Variants in THRB observed in about 807,000 individuals in gnomAD.
THRB encodes the protein thyroid hormone receptor beta, also known as nuclear receptor subfamily 1 group A member 2.
In THRB, 12 loss-of-function variants were observed where a neutral mutation model predicts 47.8. The ratio of observed to expected loss-of-function variants is 0.25; its 90% CI spans 0.16 to 0.41. The LOEUF (loss-of-function observed/expected upper bound fraction) is 0.41. THRB is among the 10% of genes least tolerant of loss of function. The pLI is 1.00. For synonymous variants in THRB, 218 were observed against 212.2 expected, an observed-to-expected ratio of 1.03 and a Z score of -0.24; for missense variants, 348 against 589.2, an observed-to-expected ratio of 0.59 and a Z score of 4.24.
At chr3:24,432,815 C>A (rs1376476460) in intron 1 of THRB, among the ~76,000 whole-genome samples, 1 of 151,804 alleles carries the variant, frequency 6.6e-6, no homozygotes, top group African/African-American at 2.4e-5. Context: ...AATATCAGCT[C>A]ACAACAGCTA....
chr3:24,202,298 C>T (rs1445910284), intron 4 of THRB, among the ~76,000 whole-genome samples: 4 of 152,126 alleles, frequency 2.6e-5, no homozygotes, highest in Non-Finnish European at 5.9e-5. Flanking sequence ...TTTTGGTATA[C>T]AACAAAAATT....
chr3:24,301,193 G>C (rs573432564), intron 2 of THRB, among the ~76,000 whole-genome samples: 5 of 152,168 alleles, frequency 3.3e-5, no homozygotes, highest in Non-Finnish European at 5.9e-5. Flanking sequence ...TCAACACCTT[G>C]ATTTCAAACT....
rs569203471 is a variant in THRB at position 24,402,087 on chromosome 3, T to A, written c.-260-64716A>T. Among the ~76,000 whole-genome samples the A allele has an allele frequency of 1.9e-4, 29 of 151,940 alleles. No homozygotes were observed. In the South Asian group the frequency reaches 6.0e-3, roughly 32 times the overall value. On this transcript the variant is annotated intron_variant, in intron 1 of 10. Coordinates refer to ENST00000646209, the MANE Select transcript of THRB (RefSeq NM_001354712.2). ...AGAAGAAAGTAAAGTCTGGGACAGG[T>A]TTTTAGAAAACAGAGCTCTGCCCCC...
At chr3:24,359,597 A>T (rs1326297798) in intron 1 of THRB, among the ~76,000 whole-genome samples, 1 of 152,146 alleles carries the variant, frequency 6.6e-6, no homozygotes, top group Non-Finnish European at 1.5e-5. Flanking sequence ...ATAGTAGAAA[A>T]CTAGACAATT....
intron 4 of THRB, among the ~76,000 whole-genome samples, chr3:24,196,824 C>T (rs531300744): frequency 6.6e-6 from 1 of 152,332 alleles, no homozygotes; most frequent in South Asian, 2.1e-4. Flanking sequence ...GCCTGACCAT[C>T]ATTTTATCTG....
intron 1 of THRB, among the ~76,000 whole-genome samples, chr3:24,441,453 T>A (rs372334928): frequency 2.6e-5 from 4 of 152,310 alleles, no homozygotes; most frequent in African/African-American, 9.6e-5. Flanking sequence ...TGCCCTGCTA[T>A]GTAGTTTGAA....
chr3:24,306,952 T>A (rs2057383449), intron 2 of THRB, among the ~76,000 whole-genome samples: 1 of 152,136 alleles, frequency 6.6e-6, no homozygotes, highest in South Asian at 2.1e-4. Context: ...CTAAAAAAAG[T>A]CATATTTTAA....
intron 3 of THRB, among the ~76,000 whole-genome samples, chr3:24,244,048 T>C (rs28513561): frequency 0.2 from 30,778 of 151,864 alleles, 3,258 homozygotes; most frequent in Middle Eastern, 0.35. Flanking sequence ...AGACAGGAAG[T>C]GGACGAGTGG....
intron 1 of THRB, among the ~76,000 whole-genome samples, chr3:24,431,343 G>A (rs1241711263): frequency 1.3e-5 from 2 of 149,886 alleles, no homozygotes; most frequent in Admixed American, 1.3e-4. Flanking sequence ...GTGAAGACAT[G>A]AACAGTATTT....
chr3:24,454,380 T>C (rs1415635126), intron 1 of THRB, among the ~76,000 whole-genome samples: 2 of 152,148 alleles, frequency 1.3e-5, no homozygotes, highest in African/African-American at 2.4e-5. Context: ...GAGGAGCAAG[T>C]GTTAATGAGT....
chr3:24,214,469 C>G (rs1362263422), intron 4 of THRB, among the ~76,000 whole-genome samples: 1 of 152,208 alleles, frequency 6.6e-6, no homozygotes, highest in Non-Finnish European at 1.5e-5. Flanking sequence ...GTCCTCTGCT[C>G]TATTTGGAAA....
At chr3:24,158,569 C>T (rs144895464) in intron 5 of THRB, among the ~76,000 whole-genome samples, 369 of 152,138 alleles carry the variant, frequency 2.4e-3, no homozygotes, top group African/African-American at 8.1e-3. Flanking sequence ...ACTGGGATTA[C>T]AGGTGCCTGC....
chr3:24,150,230 T>C (rs2036702954), intron 6 of THRB, among the ~76,000 whole-genome samples: 2 of 152,182 alleles, frequency 1.3e-5, no homozygotes, highest in Non-Finnish European at 1.5e-5. Flanking sequence ...TCCATACACA[T>C]TGCAAGTATG....
chr3:24,384,226 G>T (rs1388627714), intron 1 of THRB, among the ~76,000 whole-genome samples: 1 of 152,092 alleles, frequency 6.6e-6, no homozygotes, highest in African/African-American at 2.4e-5. Flanking sequence ...TACAACCACA[G>T]AATACCTCTG....
chr3:24,404,246 T>C (rs1022452707), intron 1 of THRB, among the ~76,000 whole-genome samples: 10 of 151,926 alleles, frequency 6.6e-5, no homozygotes, highest in African/African-American at 2.2e-4. Flanking sequence ...AAAAGATCCA[T>C]TGAAAGTGCA....
intron 5 of THRB, among the ~76,000 whole-genome samples, chr3:24,175,666 C>G (rs190701375): frequency 1.3e-5 from 2 of 152,140 alleles, no homozygotes; most frequent in African/African-American, 2.4e-5. Context: ...GATTCAAAAC[C>G]AACCTTAATG....
intron 1 of THRB, chr3:24,486,625 A>C (rs1276949096): frequency 6.6e-6 from 1 of 152,170 alleles, no homozygotes; most frequent in African/African-American, 2.4e-5. Context: ...AGAGTGGGAG[A>C]TAGATTAATA....
chr3:24,411,723 G>A (rs1577384914), intron 1 of THRB, among the ~76,000 whole-genome samples: 2 of 151,726 alleles, frequency 1.3e-5, no homozygotes, highest in South Asian at 2.1e-4. Context: ...CACTAGGGGT[G>A]GGGATGGGGA....
chr3:24,371,532 A>G (rs990419489), intron 1 of THRB, among the ~76,000 whole-genome samples: 2 of 152,120 alleles, frequency 1.3e-5, no homozygotes, highest in Non-Finnish European at 2.9e-5. Context: ...GCCTCTGTAG[A>G]AATGCCGGCA....
Sources: allele counts gnomAD v4.1 joint callset (sites outside exome capture counted in the v4.1 genomes callset), GRCh38; gene constraint gnomAD v4.1.1; transcripts MANE v1.5; gene names NCBI Gene and HGNC (gene_info 2026-07-23, HGNC 2026-07-21).